EYS: variants seen among roughly 807,000 people sequenced by gnomAD.
The protein encoded by EYS is protein eyes shut homolog.
A neutral mutation model predicts 282.1 loss-of-function variants in EYS; 250 were observed. The ratio of observed to expected loss-of-function variants is 0.89; its 90% CI spans 0.80 to 0.98. The LOEUF (loss-of-function observed/expected upper bound fraction) is 0.98, where lower values mean the gene tolerates loss of function less well. Ranked by LOEUF, EYS falls within the 50% of genes least tolerant of loss-of-function variation. The pLI, the probability that EYS is intolerant of heterozygous loss-of-function variation, is 0.00. For missense variants in EYS, 4,016 were observed against 3,709.0 expected (o/e 1.08, Z -2.15); for synonymous variants, 1,355 against 1,282.9 (o/e 1.06, Z -1.20).
Position 65,281,583 on chromosome 6 carries a change from C to T in EYS, c.2023+14280G>A, listed in dbSNP as rs113651825. Among the ~76,000 whole-genome samples, 667 of 152,214 alleles carry T rather than the reference C, an allele frequency of 4.4e-3. 2 individuals carry two copies. The highest frequency in any genetic ancestry group is 0.031 in the Middle Eastern group (9 of 294). The stretch of plus-strand genomic sequence containing the variant: ...ACTTTTGAAAGATCACATAAATGTA[C>T]ATTTGAACGTGTAATCATTCTTGCA... On this transcript the variant is annotated intron_variant, in intron 12 of 42. Coordinates refer to ENST00000503581, the MANE Select transcript of EYS (RefSeq NM_001142800.2).
intron 7 of EYS, among the ~76,000 whole-genome samples, chr6:65,390,261 C>T (rs1466737758): frequency 6.7e-6 from 1 of 150,280 alleles, no homozygotes; most frequent in East Asian, 2.0e-4. Context: ...AATATGACCA[C>T]AGTGGTGATA....
At position 64,019,236 on chromosome 6, in the gene EYS, G is replaced by T. The variant is rs189772304; in HGVS notation, c.6726-20053C>A. 3.0e-3 allele frequency among the ~76,000 whole-genome samples: 452 copies of T among 152,264 alleles called. 3 individuals are homozygous for T. Among genetic ancestry groups the T allele is most frequent in the African/African-American group, 0.01 (432 of 41,568 alleles). On this transcript the variant is annotated intron_variant, in intron 33 of 42. Transcript: ENST00000503581. Reference sequence around the variant, plus strand: ...GCAGACGCTGGAAGAGGCAGTAATGGATTTTCCCTCAGGACTTCTGGAGAG... The same window carrying T: ...GCAGACGCTGGAAGAGGCAGTAATGTATTTTCCCTCAGGACTTCTGGAGAG...
chr6:64,952,901 T>A (rs9453124), intron 14 of EYS, among the ~76,000 whole-genome samples: 199 of 152,082 alleles, frequency 1.3e-3, no homozygotes, highest in African/African-American at 4.6e-3. Flanking sequence ...AATAATAACA[T>A]CTGGAATAGT....
At chr6:65,509,786 C>T (rs531740690) in intron 2 of EYS, among the ~76,000 whole-genome samples, 46 of 152,106 alleles carry the variant, frequency 3.0e-4, no homozygotes, top group Non-Finnish European at 6.0e-4. Context: ...ATACAGCAAG[C>T]AATTCCTTTC....
intron 7 of EYS, among the ~76,000 whole-genome samples, chr6:65,384,915 G>A (rs955450928): frequency 6.6e-6 from 1 of 151,884 alleles, no homozygotes; most frequent in African/African-American, 2.4e-5. Flanking sequence ...ACAGGATAGA[G>A]TGCCAGTGGA....
Position 64,524,525 on chromosome 6 carries a change from G to A in EYS, c.5644+65698C>T, listed in dbSNP as rs1400261439. ...TTTGCATTTGTTGCAATTGCACTTG[G>A]CATCTTTGTCATGAAATCTTTGTCT... On this transcript the variant is annotated intron_variant, in intron 26 of 42. Transcript: ENST00000503581. Among the ~76,000 whole-genome samples the A allele has an allele frequency of 4.6e-5, 7 of 151,792 alleles. No homozygotes were observed. The East Asian group carries it at 1.2e-3, about 25-fold the overall frequency.
intron 31 of EYS, among the ~76,000 whole-genome samples, chr6:64,190,787 G>C (rs1455102308): frequency 1.3e-5 from 2 of 152,098 alleles, no homozygotes; most frequent in Non-Finnish European, 2.9e-5. Flanking sequence ...AATTAGGCTG[G>C]AGAAGAATCT....
intron 2 of EYS, among the ~76,000 whole-genome samples, chr6:65,575,796 G>A (rs1764643201): frequency 6.6e-6 from 1 of 151,968 alleles, no homozygotes. Context: ...AAAGGATCTT[G>A]AAACCACTTT....
intron 31 of EYS, among the ~76,000 whole-genome samples, chr6:64,150,844 A>G (rs1486957253): frequency 6.6e-6 from 1 of 152,124 alleles, no homozygotes; most frequent in East Asian, 1.9e-4. Context: ...AAAGAATACC[A>G]TTTTTAAATC....
chr6:64,434,973 AC>A (rs2150462736), intron 28 of EYS, among the ~76,000 whole-genome samples: 1 of 151,972 alleles, frequency 6.6e-6, no homozygotes, highest in African/African-American at 2.4e-5. Flanking sequence ...TCTTACTGCC[AC>A]CCAAGGCTCA....
intron 2 of EYS, among the ~76,000 whole-genome samples, chr6:65,500,197 A>C (rs982684791): frequency 3.3e-5 from 5 of 151,900 alleles, no homozygotes; most frequent in African/African-American, 1.2e-4. Flanking sequence ...CAAAGGAGGC[A>C]GGTAATTTAG....
At chr6:64,632,873 A>G (rs1767836958) in intron 22 of EYS, among the ~76,000 whole-genome samples, 1 of 152,128 alleles carries the variant, frequency 6.6e-6, no homozygotes, top group South Asian at 2.1e-4. Flanking sequence ...TATATGCTCT[A>G]AATTTTTAAA....
At chr6:64,330,399 G>A (rs955253245) in intron 29 of EYS, among the ~76,000 whole-genome samples, 1 of 152,100 alleles carries the variant, frequency 6.6e-6, no homozygotes, top group African/African-American at 2.4e-5. Context: ...ACCATTGTAT[G>A]AGACTACCAA....
intron 2 of EYS, among the ~76,000 whole-genome samples, chr6:65,604,695 G>A (rs1315536096): frequency 6.6e-6 from 1 of 151,872 alleles, no homozygotes; most frequent in East Asian, 1.9e-4. Context: ...ATTTTAAATT[G>A]CATCCAAAAA....
At chr6:64,609,840 T>C (rs924763088) in intron 24 of EYS, among the ~76,000 whole-genome samples, 1 of 151,972 alleles carries the variant, frequency 6.6e-6, no homozygotes, top group African/African-American at 2.4e-5. Context: ...TGAGCTATCA[T>C]CATGTCACTG....
chr6:63,918,506 T>A (rs2149742108), intron 35 of EYS, among the ~76,000 whole-genome samples: 1 of 152,264 alleles, frequency 6.6e-6, no homozygotes, highest in African/African-American at 2.4e-5. Flanking sequence ...ATCCTGGAGA[T>A]ATTTCATTGG....
intron 28 of EYS, among the ~76,000 whole-genome samples, chr6:64,419,410 C>G (rs191825907): frequency 2.0e-3 from 303 of 152,280 alleles, no homozygotes; most frequent in Non-Finnish European, 2.9e-3. Context: ...CATGTCCTCA[C>G]ATTTCAAAAC....
chr6:64,873,534 G>A (rs1297674566), intron 19 of EYS, among the ~76,000 whole-genome samples: 1 of 152,074 alleles, frequency 6.6e-6, no homozygotes, highest in African/African-American at 2.4e-5. Flanking sequence ...CTGGAGGAAG[G>A]AGCAAGGTGG....
chr6:64,696,969 C>T (rs1195391950), intron 22 of EYS, among the ~76,000 whole-genome samples: 1 of 152,104 alleles, frequency 6.6e-6, no homozygotes, highest in East Asian at 1.9e-4. Context: ...AAAATGCTAT[C>T]AAACCACAGA....
Sources: gnomAD v4.1 joint callset for allele counts (sites outside exome capture counted in the v4.1 genomes callset) on GRCh38, gnomAD v4.1.1 for gene constraint, MANE v1.5 for transcripts, NCBI Gene and HGNC (gene_info 2026-07-23, HGNC 2026-07-21) for gene names.